Variants in DNAJB4 observed in about 807,000 individuals in gnomAD.
The protein encoded by DNAJB4 is DnaJ heat shock protein family (Hsp40) member B4.
A neutral mutation model predicts 26.6 loss-of-function variants in DNAJB4; 10 were observed. The ratio of observed to expected loss-of-function variants is 0.38; its 90% CI spans 0.23 to 0.64. DNAJB4 has a LOEUF of 0.64. Ranked by LOEUF, DNAJB4 falls within the 30% of genes least tolerant of loss-of-function variation. The pLI is 0.58. For synonymous variants in DNAJB4, 136 were observed against 134.8 expected (o/e 1.01, Z -0.06); for missense variants, 328 against 408.2 (o/e 0.80, Z 1.69).
rs372653664 is a variant in DNAJB4, at chr1:78,011,575, C to G, written c.212-1476C>G. Among the ~76,000 whole-genome samples, 26 of 151,660 alleles carry G rather than the reference C, an allele frequency of 1.7e-4. No homozygotes were observed. The East Asian group carries it at 4.5e-3, about 26-fold the overall frequency. ...TCTTGGCTCACTGTAACCTCTGCCT[C>G]CCAGGTTCAAGCGATTCTCCTGCCT... is the stretch of plus-strand genomic sequence containing the variant. On this transcript the variant is annotated intron_variant, in intron 1 of 2. Transcript: ENST00000370763.
intron 1 of DNAJB4, among the ~76,000 whole-genome samples, chr1:77,988,583 T>G (rs150929092): frequency 8.8e-4 from 134 of 152,302 alleles, no homozygotes; most frequent in Non-Finnish European, 1.1e-3. Context: ...CTTCTAGGCT[T>G]TGGTGTTTGA....
At position 78,016,468 on chromosome 1, in the gene DNAJB4, T is replaced by C. The variant is rs1557514554; in HGVS notation, c.*221T>C. Reference sequence around the variant, plus strand: ...TCACTGTATTTTATTTCATTTCTCCTGATTCAGATATTTTTAGTAATTTGC... The same window carrying C: ...TCACTGTATTTTATTTCATTTCTCCCGATTCAGATATTTTTAGTAATTTGC... On this transcript the variant is annotated 3_prime_UTR_variant, in exon 3 of 3. Coordinates refer to ENST00000370763, the MANE Select transcript of DNAJB4 (RefSeq NM_007034.5). 1.9e-6 allele frequency: 1 copy of C among 524,390 alleles called. No individual in the cohort carries two copies. The highest frequency in any genetic ancestry group is 3.6e-5 in the Admixed American group (1 of 27,444). 32.5% of individuals were successfully genotyped at this position (524,390 alleles called of 1,614,324 possible). A position where few individuals can be genotyped will look rare whatever the true frequency, so the allele number is the denominator to read the frequency against.
rs183235074 is a variant in DNAJB4 at position 77,981,947 on chromosome 1, A to G, written c.-32+1625A>G. 2.6e-5 allele frequency among the ~76,000 whole-genome samples: 4 copies of G among 152,288 alleles called. No homozygotes were observed. In the East Asian group the frequency reaches 7.7e-4, roughly 29 times the overall value. On this transcript the variant is annotated intron_variant, in intron 1 of 2. Coordinates refer to the DNAJB4 transcript ENST00000426517. ...AGGATATATAGGAAATAGATTATTA[A>G]TTTTTAGAGAAAAATTTGGAGCTCT...
chr1:78,005,414 CTTG>C (rs146743111), intron 1 of DNAJB4, 93 bp downstream of exon 1: 32,538 of 1,079,502 alleles, frequency 0.03, 809 homozygotes, highest in East Asian at 0.11. Context: ...TCTCTCTCAG[CTTG>C]TTAAGGTTAT....
upstream of DNAJB4, among the ~76,000 whole-genome samples, chr1:78,003,575 CA>C (rs1660244457): frequency 6.6e-6 from 1 of 152,114 alleles, no homozygotes; most frequent in Non-Finnish European, 1.5e-5. Context: ...CATATATGTA[CA>C]TTTTCTTTTC....
At chr1:78,008,444 G>A (rs560407088) in intron 1 of DNAJB4, among the ~76,000 whole-genome samples, 3 of 152,252 alleles carry the variant, frequency 2.0e-5, no homozygotes, top group South Asian at 4.1e-4. Flanking sequence ...CTACACCATT[G>A]ATGAACCTCA....
At chr1:78,009,506 G>A (rs1404436933) in intron 1 of DNAJB4, among the ~76,000 whole-genome samples, 2 of 152,190 alleles carry the variant, frequency 1.3e-5, no homozygotes, top group Non-Finnish European at 2.9e-5. Flanking sequence ...ATCACACAAA[G>A]TGATGACGAT....
intron 1 of DNAJB4, among the ~76,000 whole-genome samples, chr1:77,988,648 C>T (rs1357342049): frequency 6.6e-6 from 1 of 152,196 alleles, no homozygotes; most frequent in Non-Finnish European, 1.5e-5. Flanking sequence ...TTCCTCCTTT[C>T]CTTTCAGATT....
intron 1 of DNAJB4, among the ~76,000 whole-genome samples, chr1:78,007,626 T>C (rs969179626): frequency 7.9e-5 from 12 of 152,140 alleles, no homozygotes; most frequent in Non-Finnish European, 1.0e-4. Context: ...ATGAAAGTTA[T>C]TTGAATTATT....
chr1:77,980,329 A>AT (rs1486475806), intron 1 of DNAJB4: 1 of 121,686 alleles, frequency 8.2e-6, no homozygotes, highest in Non-Finnish European at 1.6e-5. Context: ...CTAGGTATAT[A>AT]TATATATATA....
intron 1 of DNAJB4, among the ~76,000 whole-genome samples, chr1:78,008,988 A>C (rs961838733): frequency 6.6e-6 from 1 of 152,088 alleles, no homozygotes; most frequent in African/African-American, 2.4e-5. Flanking sequence ...TTGTTATTGC[A>C]TATGATTTAT....
At chr1:78,012,531 C>G (rs1297274445) in intron 1 of DNAJB4, among the ~76,000 whole-genome samples, 1 of 151,836 alleles carries the variant, frequency 6.6e-6, no homozygotes, top group Non-Finnish European at 1.5e-5. Context: ...CTGATTTGGC[C>G]GGAAGCAGTG....
At chr1:78,015,623 C>T (rs1469328807) in intron 2 of DNAJB4, among the ~76,000 whole-genome samples, 1 of 142,468 alleles carries the variant, frequency 7.0e-6, no homozygotes, top group Non-Finnish European at 1.5e-5. Context: ...GATCTCGGCT[C>T]ACTGCAACCT....
chr1:77,996,361 C>G (rs1406748526), intron 1 of DNAJB4, among the ~76,000 whole-genome samples: 1 of 152,138 alleles, frequency 6.6e-6, no homozygotes, highest in African/African-American at 2.4e-5. Context: ...CACTTTGTTA[C>G]CCAGGCTAGT....
intron 1 of DNAJB4, among the ~76,000 whole-genome samples, chr1:77,980,523 T>C (rs1023974747): frequency 1.3e-5 from 2 of 152,162 alleles, no homozygotes; most frequent in Non-Finnish European, 2.9e-5. Context: ...TCTTACTCTT[T>C]ATTATTGAGT....
intron 1 of DNAJB4, chr1:77,992,625 C>T (rs1012473479): frequency 1.3e-5 from 2 of 152,126 alleles, no homozygotes; most frequent in South Asian, 2.1e-4. Context: ...AGCATCTCAC[C>T]TCACACTTTA....
At chr1:78,005,695 T>C (rs1191347608) in intron 1 of DNAJB4, among the ~76,000 whole-genome samples, 3 of 152,254 alleles carry the variant, frequency 2.0e-5, no homozygotes, top group Non-Finnish European at 2.9e-5. Flanking sequence ...TTCTAATGAA[T>C]TTTCTGCCAG....
chr1:77,979,253 A>T (rs1386779644), upstream of DNAJB4: 4 of 471,470 alleles, frequency 8.5e-6, no homozygotes, highest in African/African-American at 2.0e-5. Context: ...CTTCGCGAGA[A>T]CAGAATTTCT....
intron 1 of DNAJB4, among the ~76,000 whole-genome samples, chr1:77,988,013 A>G (rs1659837433): frequency 6.8e-6 from 1 of 146,540 alleles, no homozygotes; most frequent in South Asian, 2.2e-4. Context: ...CATTATATAT[A>G]TATGTGTGTG....
Sources: allele counts gnomAD v4.1 joint callset (sites outside exome capture counted in the v4.1 genomes callset), GRCh38; gene constraint gnomAD v4.1.1; transcripts MANE v1.5; gene names NCBI Gene and HGNC (gene_info 2026-07-23, HGNC 2026-07-21).